The following NR2C1 variants were observed in gnomAD, a reference collection of about 807,000 sequenced individuals.
NR2C1 encodes the protein TR2 nuclear hormone receptor.
In NR2C1, 33 loss-of-function variants were observed where a neutral mutation model predicts 74.8. That is an observed-to-expected ratio of 0.44 (90% CI 0.33 to 0.59). NR2C1 has a LOEUF of 0.59. Among genes scored for constraint, NR2C1 ranks in the 20% least tolerant of loss-of-function variants. The pLI is 0.02. For synonymous variants in NR2C1, 225 were observed against 240.6 expected (o/e 0.94, Z 0.60); for missense variants, 568 against 715.6 (o/e 0.79, Z 2.35).
chr12:95,027,219 T>TA (rs1388565341), intron 12 of NR2C1, among the ~76,000 whole-genome samples: 2 of 152,108 alleles, frequency 1.3e-5, no homozygotes, highest in Non-Finnish European at 2.9e-5. Flanking sequence ...CACATCCAGC[T>TA]AATTTTTTCT....
In NR2C1 at chr12:95,062,563, G is replaced by C; in HGVS notation, c.230C>G (p.Ala77Gly). ...GGTAAAAAATAACTGGTTGACACCT[G>C]CTGCATCTGGAGTTGTAAGGAAAAC... The part of the protein sequence containing the change: ...GKVFLTTPDA[A>G]GVNQLFFTTP... Residue 77 changes from alanine (A) to glycine (G), a missense_variant, in exon 3 of 14, where the codon GCA becomes GGA. Ala to Gly is a moderately conservative substitution (Grantham distance 60). This residue lies in a region of NR2C1 where 128 missense variants were observed against 118.9 expected (regional missense o/e 1.08). Transcript: ENST00000333003. 1.2e-6 allele frequency: 2 copies of C among 1,613,584 alleles called. No individual in the cohort carries two copies. Among genetic ancestry groups the C allele is most frequent in the Non-Finnish European group, 1.7e-6 (2 of 1,179,712 alleles).
chr12:95,058,522 T>C (rs770233563), intron 4 of NR2C1, 33 bp from the exon 5 acceptor site: 18 of 1,542,302 alleles, frequency 1.2e-5, no homozygotes, highest in Non-Finnish European at 1.6e-5. Flanking sequence ...AATATAAAAG[T>C]CACATTATTT....
chr12:95,073,086 C>CGCAGCTGGAAAGG (rs1445768469), intron 1 of NR2C1: 1 of 152,278 alleles, frequency 6.6e-6, no homozygotes, highest in East Asian at 1.9e-4. Context: ...CTGCGGTAAG[C>CGCAGCTGGAAAGG]GCAGCTGGAA....
intron 9 of NR2C1, among the ~76,000 whole-genome samples, chr12:95,045,609 A>G (rs945319930): frequency 6.6e-6 from 1 of 152,192 alleles, no homozygotes; most frequent in Non-Finnish European, 1.5e-5. Context: ...AACTGCCTCT[A>G]AAGTTGCAAA....
At chr12:95,029,836 C>T (rs1288846133) in intron 11 of NR2C1, among the ~76,000 whole-genome samples, 4 of 152,042 alleles carry the variant, frequency 2.6e-5, no homozygotes, top group Middle Eastern at 3.2e-3. Context: ...GGATTACAGG[C>T]GTGAGCTACC....
chr12:95,067,292 G>T (rs1354553520), intron 2 of NR2C1, 39 bp downstream of exon 2: 2 of 1,562,764 alleles, frequency 1.3e-6, no homozygotes, highest in Non-Finnish European at 8.8e-7. Flanking sequence ...AATTAGAAAA[G>T]TTTGGTGGGC....
intron 1 of NR2C1, among the ~76,000 whole-genome samples, chr12:95,068,575 AC>A (rs1278011190): frequency 1.3e-5 from 2 of 152,184 alleles, no homozygotes; most frequent in Non-Finnish European, 2.9e-5. Context: ...TGGGCTGATT[AC>A]CGGAGATCAG....
At position 95,031,389 on chromosome 12, in the gene NR2C1, T is replaced by C; in HGVS notation, c.1353A>G (p.Leu451=). The change falls in exon 11 of 14, where the codon TTA becomes TTG. Residue 451 remains leucine (L), a synonymous_variant. Transcript: ENST00000333003. Reference sequence around the variant, plus strand: ...TGTGAAGACAATTGACAAATGTTGCTAATATAGTTGCTACATTCATCACTT... The same window carrying C: ...TGTGAAGACAATTGACAAATGTTGCCAATATAGTTGCTACATTCATCACTT... The part of the protein sequence containing the change: ...CWQVMNVATI[L]ATFVNCLHNS... 3.7e-6 allele frequency: 6 copies of C among 1,606,378 alleles called. No homozygotes were observed. Among genetic ancestry groups the C allele is most frequent in the Non-Finnish European group, 5.1e-6 (6 of 1,177,022 alleles).
chr12:95,049,825 TC>T (rs1343684329), intron 8 of NR2C1, among the ~76,000 whole-genome samples: 1 of 152,194 alleles, frequency 6.6e-6, no homozygotes, highest in Non-Finnish European at 1.5e-5. Flanking sequence ...AAACACATTC[TC>T]CCTGTGTCAG....
intron 11 of NR2C1, among the ~76,000 whole-genome samples, chr12:95,028,746 C>CA (rs1869683909): frequency 1.3e-5 from 2 of 152,308 alleles, no homozygotes; most frequent in Non-Finnish European, 2.9e-5. Context: ...TCTCCTGCCT[C>CA]AGCCTCCCAA....
At chr12:95,061,135 C>T (rs1028245136) in intron 3 of NR2C1, among the ~76,000 whole-genome samples, 2 of 152,176 alleles carry the variant, frequency 1.3e-5, no homozygotes, top group African/African-American at 4.8e-5. Context: ...GTACTCCTCA[C>T]GTAATTGTCA....
At chr12:95,049,402 AAGCCAC>A (rs1872693157) in intron 8 of NR2C1, 169 bp from the exon 9 acceptor site, 1 of 503,344 alleles carries the variant, frequency 2.0e-6, no homozygotes, top group African/African-American at 1.9e-5. Context: ...TTACAGGTAT[AAGCCAC>A]ATGCCTGGCC....
At position 95,058,392 on chromosome 12, in the gene NR2C1, A is replaced by G. The variant is rs745618250; in HGVS notation, c.462T>C (p.Asp154=). ...TTCGGTGGTGCTTATTAATAATACA[A>G]TCCTTTGATCCTCGACATGAATATA... ...NLVYSCRGSK[D]CIINKHHRNR... The change falls in exon 5 of 14, where the codon GAT becomes GAC. Residue 154 remains aspartate, a synonymous_variant. Transcript: ENST00000333003. 20 of 1,613,702 alleles carry G rather than the reference A, an allele frequency of 1.2e-5. No individual in the cohort carries two copies. The East Asian group carries it at 3.3e-4, about 27-fold the overall frequency.
chr12:95,069,775 C>T (rs1876312289), intron 1 of NR2C1, among the ~76,000 whole-genome samples: 1 of 152,060 alleles, frequency 6.6e-6, no homozygotes, highest in African/African-American at 2.4e-5. Flanking sequence ...TCCATCCATG[C>T]ATCTATGCAT....
intron 7 of NR2C1, among the ~76,000 whole-genome samples, chr12:95,057,305 A>G (rs1874064113): frequency 6.6e-6 from 1 of 151,440 alleles, no homozygotes; most frequent in Non-Finnish European, 1.5e-5. Context: ...GGGTTTCTCC[A>G]TGTTGGTCAG....
At chr12:95,028,796 A>G (rs1033099558) in intron 11 of NR2C1, among the ~76,000 whole-genome samples, 1 of 151,816 alleles carries the variant, frequency 6.6e-6, no homozygotes, top group Admixed American at 6.6e-5. Flanking sequence ...CGCCCAGCTA[A>G]TTTTTGTATT....
rs34229669 is a variant in NR2C1, at chr12:95,043,689, C to CAAAAAAAAAAAAAAAAAAA, written c.1132-3093_1132-3092insTTTTTTTTTTTTTTTTTTT. ...TGGGAGACAGAGCAAGACTCTGTCT[C>CAAAAAAAAAAAAAAAAAAA]AAAAAAAAAAAAAATCCTTTGCAAA... On this transcript the variant is annotated intron_variant, in intron 9 of 13. Transcript: ENST00000333003. Among the ~76,000 whole-genome samples, 257 of 94,112 alleles carry CAAAAAAAAAAAAAAAAAAA rather than the reference C, an allele frequency of 2.7e-3. 7 individuals carry two copies. The East Asian group carries it at 0.064, about 23-fold the overall frequency. 61.7% of individuals were successfully genotyped at this position (94,112 alleles called of 152,430 possible). A position where few individuals can be genotyped will look rare whatever the true frequency, so the allele number is the denominator to read the frequency against.
intron 12 of NR2C1, among the ~76,000 whole-genome samples, chr12:95,026,207 CAAAAAAA>C (rs757466478): frequency 5.1e-5 from 5 of 98,732 alleles, no homozygotes; most frequent in Non-Finnish European, 8.8e-5. Context: ...ACTCCGTCTC[CAAAAAAA>C]AAAAAAAGGC....
chr12:95,030,711 T>C, intron 11 of NR2C1: 6 of 1,601,892 alleles, frequency 3.7e-6, no homozygotes, highest in South Asian at 1.1e-5. Context: ...AACTAAAAGG[T>C]AGTCCCCAAT....
Sources: gnomAD v4.1 joint callset for allele counts (sites outside exome capture counted in the v4.1 genomes callset) on GRCh38, gnomAD v4.1.1 for gene constraint, gnomAD v4.1.1 regional missense constraint, MANE v1.5 for transcripts, NCBI Gene and HGNC (gene_info 2026-07-23, HGNC 2026-07-21) for gene names.